USP33: variants seen among roughly 807,000 people sequenced by gnomAD.
USP33 encodes the protein ubiquitin carboxyl-terminal hydrolase 33.
Under a neutral mutation model 124.2 loss-of-function variants are expected in USP33, and 46 were observed. The observed-to-expected ratio is 0.37, with a 90% CI of 0.29 to 0.47. USP33 has a LOEUF of 0.47. Among genes scored for constraint, USP33 ranks in the 20% least tolerant of loss-of-function variants. The pLI, the probability that USP33 is intolerant of heterozygous loss-of-function variation, is 0.99. For missense variants in USP33, 851 were observed against 1,070.6 expected, an observed-to-expected ratio of 0.79 and a Z score of 2.86; for synonymous variants, 350 against 352.3, an observed-to-expected ratio of 0.99 and a Z score of 0.07.
Position 77,725,605 on chromosome 1 carries a change from TAAGAGA to T in USP33, c.1276+11_1276+16del. On this transcript the variant is annotated intron_variant, in intron 11 of 23. Transcript: ENST00000370794. ...AAGACCCAAAGCAAAAGAGACTGAA[TAAGAGA>T]AACGTTTTACCTTTTTTGTGTGGTG... The T allele has an allele frequency of 6.2e-7, 1 of 1,613,438 alleles. No homozygotes were observed.
rs58750531 is a variant in USP33 at position 77,702,141 on chromosome 1, C to CAAAAAAAAAAAAAA, written c.2407-684_2407-671dup. ...TGGGTGACAGAACAAGACCCTGTCT[C>CAAAAAAAAAAAAAA]AAAAAAAAAAAAAAAAAAAAAAAAA... On this transcript the variant is annotated intron_variant, in intron 21 of 23. Transcript: ENST00000370794. Among the ~76,000 whole-genome samples the CAAAAAAAAAAAAAA allele has an allele frequency of 1.3e-3, 20 of 15,752 alleles. 2 individuals are homozygous for CAAAAAAAAAAAAAA. The highest frequency in any genetic ancestry group is 2.2e-3 in the African/African-American group (17 of 7,776). The allele number at this position is 15,752 out of a possible 152,430, so 10.3% of individuals were successfully genotyped here.
At position 77,718,170 on chromosome 1, in the gene USP33, AATTATG is replaced by A. The variant is rs1264491003; in HGVS notation, c.1738-129_1738-124del. The A allele has an allele frequency of 3.6e-6, 3 of 837,326 alleles. No homozygotes were observed. In the African/African-American group the frequency reaches 5.2e-5, roughly 14 times the overall value. The allele number at this position is 837,326 out of a possible 1,614,324, so 51.9% of individuals were successfully genotyped here. ...AAACTGAGGTGTTCAATCAAATTAC[AATTATG>A]AAGTTATTTAGATTTTTATTTCGTT... On this transcript the variant is annotated intron_variant, in intron 16 of 23. Coordinates refer to ENST00000370794, the MANE Select transcript of USP33 (RefSeq NM_201624.3).
intron 1 of USP33, among the ~76,000 whole-genome samples, chr1:77,746,893 G>C (rs754323864): frequency 6.6e-6 from 1 of 152,086 alleles, no homozygotes; most frequent in Non-Finnish European, 1.5e-5. Context: ...AATAATAAGA[G>C]CTATGTTATA....
intron 21 of USP33, among the ~76,000 whole-genome samples, chr1:77,702,068 G>C (rs1371834943): frequency 1.5e-5 from 2 of 135,696 alleles, no homozygotes; most frequent in East Asian, 4.7e-4. Context: ...CTTGAGCCCA[G>C]AAGGTTGAGA....
intron 6 of USP33, among the ~76,000 whole-genome samples, chr1:77,735,185 TC>T (rs1294204549): frequency 6.6e-6 from 1 of 151,884 alleles, no homozygotes; most frequent in African/African-American, 2.4e-5. Context: ...CTGCTGACAA[TC>T]TACAAAAATG....
intron 19 of USP33, among the ~76,000 whole-genome samples, chr1:77,714,083 C>T (rs745646181): frequency 2.0e-5 from 3 of 152,160 alleles, no homozygotes; most frequent in Non-Finnish European, 4.4e-5. Flanking sequence ...AACATTAACA[C>T]AGCCAATCTC....
chr1:77,714,651 G>A lies in USP33; in HGVS notation c.2178C>T (p.Gly726=), dbSNP rs751426192. The change falls in exon 19 of 24, where the codon GGC becomes GGT. Residue 726 remains glycine, a synonymous_variant. Coordinates refer to ENST00000370794, the MANE Select transcript of USP33 (RefSeq NM_201624.3). The part of the protein sequence containing the change: ...LNKFKTFAEP[G]PISNNDFLCI... ...AAAGAAAGTCATTATTTGAAATAGG[G>A]CCAGGTTCGGCAAAGGTCTTAAATT... 1.9e-6 allele frequency: 3 copies of A among 1,613,160 alleles called. No homozygotes were observed. The highest frequency in any genetic ancestry group is 2.2e-5 in the South Asian group (2 of 91,026).
intron 21 of USP33, among the ~76,000 whole-genome samples, chr1:77,701,963 C>T (rs1177204338): frequency 4.2e-5 from 6 of 143,986 alleles, no homozygotes; most frequent in Non-Finnish European, 7.7e-5. Flanking sequence ...CCACCACACT[C>T]GGCCTACACA....
chr1:77,714,675 T>C lies in USP33; in HGVS notation c.2154A>G (p.Lys718=). The C allele has an allele frequency of 1.2e-6, 2 of 1,613,376 alleles. No homozygotes were observed. The highest frequency in any genetic ancestry group is 2.2e-5 in the South Asian group (2 of 91,040). The change falls in exon 19 of 24, where the codon AAA becomes AAG. Residue 718 remains lysine (K), a synonymous_variant. Coordinates refer to ENST00000370794, the MANE Select transcript of USP33 (RefSeq NM_201624.3). ...GGCCAGGTTCGGCAAAGGTCTTAAA[T>C]TTATTAAGCCACTGTCGAGAAATAT... ...QFYISRQWLN[K]FKTFAEPGPI... is the part of the protein sequence containing the mutation.
At chr1:77,728,015 A>G (rs1345127760) in intron 10 of USP33, among the ~76,000 whole-genome samples, 1 of 152,228 alleles carries the variant, frequency 6.6e-6, no homozygotes, top group African/African-American at 2.4e-5. Context: ...AAAATAAAAG[A>G]GAAAATTCTG....
rs930333424 is a variant in USP33, at chr1:77,750,703, T to C, written c.-52+8940A>G. Among the ~76,000 whole-genome samples, 4 of 151,350 alleles carry C rather than the reference T, an allele frequency of 2.6e-5. No homozygotes were observed. In the South Asian group the frequency reaches 8.4e-4, roughly 32 times the overall value. ...AAGAAAGAAAAAGGAAAAGAATTAG[T>C]GCATGTAAACAAAGGCTAACAATTT... On this transcript the variant is annotated intron_variant, in intron 1 of 23. Coordinates refer to ENST00000370794, the MANE Select transcript of USP33 (RefSeq NM_201624.3).
intron 15 of USP33, among the ~76,000 whole-genome samples, chr1:77,719,706 A>G (rs765736818): frequency 6.6e-6 from 1 of 151,974 alleles, no homozygotes; most frequent in Non-Finnish European, 1.5e-5. Flanking sequence ...TACAAAAATT[A>G]GCTGGGTGTG....
intron 15 of USP33, 111 bp downstream of exon 15, chr1:77,721,061 T>C: frequency 8.4e-7 from 1 of 1,195,336 alleles, no homozygotes; most frequent in Non-Finnish European, 1.2e-6. Flanking sequence ...GATAAACCTT[T>C]CTGGCCTACA....
Position 77,721,229 on chromosome 1 carries a change from T to C in USP33, c.1658-24A>G, listed in dbSNP as rs771593860. Reference sequence around the variant, plus strand: ...ACCTGCAAATAAAACAGATCTGGCATTGGTTTCAAATTAACAGCAAATTGC... The same window carrying C: ...ACCTGCAAATAAAACAGATCTGGCACTGGTTTCAAATTAACAGCAAATTGC... On this transcript the variant is annotated intron_variant, in intron 14 of 23. Coordinates refer to ENST00000370794, the MANE Select transcript of USP33 (RefSeq NM_201624.3). 5.0e-6 allele frequency: 8 copies of C among 1,613,624 alleles called. No homozygotes were observed. The Admixed American group carries it at 1.0e-4, about 20-fold the overall frequency.
At chr1:77,744,291 A>C (rs1053772246) in intron 1 of USP33, among the ~76,000 whole-genome samples, 11 of 152,206 alleles carry the variant, frequency 7.2e-5, no homozygotes, top group African/African-American at 2.7e-4. Context: ...AGGCATTCTA[A>C]GAAGGAAATT....
intron 18 of USP33, 165 bp from the exon 19 acceptor site, chr1:77,714,948 T>C: frequency 3.0e-6 from 2 of 658,556 alleles, no homozygotes; most frequent in Non-Finnish European, 5.0e-6. Flanking sequence ...ATACATTATA[T>C]ACTCATAGGG....
chr1:77,707,280 T>C (rs1674737797), intron 21 of USP33, among the ~76,000 whole-genome samples: 1 of 152,164 alleles, frequency 6.6e-6, no homozygotes, highest in Non-Finnish European at 1.5e-5. Context: ...GCAGAGGCTC[T>C]AGGGGAAGAC....
intron 15 of USP33, among the ~76,000 whole-genome samples, chr1:77,719,813 C>T (rs1676348329): frequency 6.8e-6 from 1 of 147,008 alleles, no homozygotes. Context: ...GAGATCACAC[C>T]ACTGCACTCC....
intron 19 of USP33, 65 bp from the exon 20 acceptor site, chr1:77,713,346 C>T (rs1374297892): frequency 2.9e-6 from 4 of 1,380,214 alleles, no homozygotes; most frequent in Non-Finnish European, 3.9e-6. Flanking sequence ...ACATTAAACT[C>T]ATTTTTTTTT....
Sources: allele counts gnomAD v4.1 joint callset (sites outside exome capture counted in the v4.1 genomes callset), GRCh38; gene constraint gnomAD v4.1.1; transcripts MANE v1.5; gene names NCBI Gene and HGNC (gene_info 2026-07-23, HGNC 2026-07-21).